The following SUMF1 variants were observed in gnomAD, a reference collection of about 807,000 sequenced individuals.
SUMF1 encodes formylglycine-generating enzyme.
Under a neutral mutation model 47.6 loss-of-function variants are expected in SUMF1, and 48 were observed. The ratio of observed to expected loss-of-function variants is 1.01; its 90% CI spans 0.80 to 1.28. The LOEUF (loss-of-function observed/expected upper bound fraction) is 1.28, where lower values mean the gene tolerates loss of function less well. Among genes scored for constraint, SUMF1 ranks in the 50% most tolerant of loss-of-function variants. The pLI, the probability that SUMF1 is intolerant of heterozygous loss-of-function variation, is 0.00. For missense variants in SUMF1, 571 were observed against 485.4 expected, an observed-to-expected ratio of 1.18 and a Z score of -1.66; for synonymous variants, 230 against 192.1, an observed-to-expected ratio of 1.20 and a Z score of -1.63.
chr3:4,273,701 G>A (rs1278676043), intron 8 of SUMF1, among the ~76,000 whole-genome samples: 1 of 128,318 alleles, frequency 7.8e-6, no homozygotes, highest in Non-Finnish European at 1.6e-5. Flanking sequence ...GGGAGGATAC[G>A]GGAGGGAGGA....
At chr3:4,128,376 T>C (rs1574907755) in intron 8 of SUMF1, among the ~76,000 whole-genome samples, 1 of 152,252 alleles carries the variant, frequency 6.6e-6, no homozygotes. Flanking sequence ...GTTTGTAAAC[T>C]CTGATAAACT....
At chr3:4,434,512 A>G (rs775025919) in intron 3 of SUMF1, among the ~76,000 whole-genome samples, 5 of 152,236 alleles carry the variant, frequency 3.3e-5, no homozygotes, top group Non-Finnish European at 5.9e-5. Context: ...TTTCAATTAT[A>G]TCAAGCAAAG....
intron 8 of SUMF1, among the ~76,000 whole-genome samples, chr3:4,311,834 T>G (rs1397460819): frequency 2.0e-5 from 3 of 152,204 alleles, no homozygotes; most frequent in Non-Finnish European, 4.4e-5. Context: ...ATGGTTTGAG[T>G]TCTATGTAAG....
chr3:4,095,419 G>T (rs1302862920), intron 8 of SUMF1, among the ~76,000 whole-genome samples: 2 of 152,004 alleles, frequency 1.3e-5, no homozygotes, highest in African/African-American at 4.8e-5. Flanking sequence ...AAGCTCTGAA[G>T]AATGAGATTG....
At chr3:4,158,745 C>T (rs1694509535) in intron 8 of SUMF1, among the ~76,000 whole-genome samples, 1 of 151,530 alleles carries the variant, frequency 6.6e-6, no homozygotes, top group Admixed American at 6.6e-5. Context: ...TCTTCTTTGT[C>T]TCTTTTTATA....
intron 8 of SUMF1, among the ~76,000 whole-genome samples, chr3:4,078,344 G>T (rs537492602): frequency 6.6e-6 from 1 of 151,890 alleles, no homozygotes; most frequent in Non-Finnish European, 1.5e-5. Context: ...TCCACTACCT[G>T]TGAACGTATC....
chr3:4,463,855 A>C (rs773906521), intron 1 of SUMF1, among the ~76,000 whole-genome samples: 23 of 152,244 alleles, frequency 1.5e-4, no homozygotes, highest in Non-Finnish European at 2.9e-4. Flanking sequence ...CCCACGCAGA[A>C]AACTATTAGG....
At chr3:4,294,322 G>A (rs1697800539) in intron 8 of SUMF1, among the ~76,000 whole-genome samples, 1 of 152,078 alleles carries the variant, frequency 6.6e-6, no homozygotes, top group South Asian at 2.1e-4. Context: ...CAGCACTTTG[G>A]GAGGCCAAGG....
intron 8 of SUMF1, among the ~76,000 whole-genome samples, chr3:4,263,794 A>C (rs1429763382): frequency 1.3e-5 from 2 of 152,198 alleles, no homozygotes; most frequent in East Asian, 3.8e-4. Flanking sequence ...ATTCTGCCTT[A>C]AATTATAGTA....
chr3:4,102,530 G>C (rs1693060300), intron 8 of SUMF1, among the ~76,000 whole-genome samples: 1 of 152,102 alleles, frequency 6.6e-6, no homozygotes, highest in South Asian at 2.1e-4. Flanking sequence ...CTAGCCATTT[G>C]TCAAAGCTTT....
chr3:4,321,799 C>T (rs1698841735), intron 8 of SUMF1, among the ~76,000 whole-genome samples: 1 of 152,094 alleles, frequency 6.6e-6, no homozygotes, highest in Non-Finnish European at 1.5e-5. Context: ...TACATAGTGA[C>T]TTCCTCCCAA....
chr3:4,201,736 CTG>C (rs1356145875), intron 8 of SUMF1, among the ~76,000 whole-genome samples: 1 of 152,010 alleles, frequency 6.6e-6, no homozygotes, highest in Non-Finnish European at 1.5e-5. Flanking sequence ...TTCATAGTGA[CTG>C]TACTAACTTA....
Position 4,361,895 on chromosome 3 carries a change from C to A in SUMF1, c.*249G>T, listed in dbSNP as rs1393483022. On this transcript the variant is annotated 3_prime_UTR_variant, in exon 9 of 9. Coordinates refer to ENST00000272902, the MANE Select transcript of SUMF1 (RefSeq NM_182760.4). The stretch of plus-strand genomic sequence containing the variant: ...CTAGCTCAGGGTTCCCTCCACTCCC[C>A]TTCCTCTTTAAAGACTCTCAAAAGT... The A allele has an allele frequency of 6.2e-6, 3 of 482,586 alleles. 1 individual carries two copies. Among genetic ancestry groups the A allele is most frequent in the Non-Finnish European group, 1.1e-5 (3 of 262,690 alleles). The allele number at this position is 482,586 out of a possible 1,614,324, so 29.9% of individuals were successfully genotyped here.
intron 8 of SUMF1, among the ~76,000 whole-genome samples, chr3:4,235,178 A>G (rs1348035606): frequency 6.6e-6 from 1 of 152,164 alleles, no homozygotes; most frequent in Non-Finnish European, 1.5e-5. Context: ...TCTAAAATGT[A>G]GCAGAAAGCA....
intron 9 of SUMF1, among the ~76,000 whole-genome samples, chr3:4,036,763 C>T (rs1694805168): frequency 7.0e-6 from 1 of 142,906 alleles, no homozygotes; most frequent in Admixed American, 7.2e-5. Flanking sequence ...AGGGGCTTTG[C>T]TTTAAATTTT....
chr3:4,043,546 C>T (rs2125018929), intron 9 of SUMF1, among the ~76,000 whole-genome samples: 1 of 152,254 alleles, frequency 6.6e-6, no homozygotes, highest in Non-Finnish European at 1.5e-5. Context: ...CCCCATTCCT[C>T]TCCAGGCGCG....
chr3:4,136,234 G>T (rs1370374648), intron 8 of SUMF1, among the ~76,000 whole-genome samples: 1 of 152,030 alleles, frequency 6.6e-6, no homozygotes, highest in Non-Finnish European at 1.5e-5. Context: ...TATACTACAA[G>T]GCTACAGTAA....
chr3:4,092,691 G>A (rs996210049), intron 8 of SUMF1, among the ~76,000 whole-genome samples: 4 of 152,096 alleles, frequency 2.6e-5, no homozygotes, highest in African/African-American at 7.3e-5. Context: ...TCTACTAAGT[G>A]TCCAGAACTG....
chr3:4,376,240 G>A, intron 8 of SUMF1, 90 bp downstream of exon 8: 1 of 1,471,176 alleles, frequency 6.8e-7, no homozygotes, highest in Non-Finnish European at 9.5e-7. Flanking sequence ...TTGCAGAAGT[G>A]AATGAGACAT....
Sources: gnomAD v4.1 joint callset for allele counts (sites outside exome capture counted in the v4.1 genomes callset) on GRCh38, gnomAD v4.1.1 for gene constraint, MANE v1.5 for transcripts, NCBI Gene and HGNC (gene_info 2026-07-23, HGNC 2026-07-21) for gene names.